ZNF804B: variants seen among roughly 807,000 people sequenced by gnomAD.
The protein encoded by ZNF804B is zinc finger 804B.
Under a neutral mutation model 101.4 loss-of-function variants are expected in ZNF804B, and 80 were observed. The observed-to-expected ratio is 0.79, with a 90% CI of 0.66 to 0.95. The LOEUF is 0.95. ZNF804B is among the 40% of genes least tolerant of loss of function. ZNF804B has a pLI of 0.00. For synonymous variants in ZNF804B, 622 were observed against 558.8 expected (o/e 1.11, Z -1.59); for missense variants, 1,673 against 1,561.9 (o/e 1.07, Z -1.20).
intron 2 of ZNF804B, among the ~76,000 whole-genome samples, chr7:89,263,335 A>C (rs959115204): frequency 6.7e-6 from 1 of 148,224 alleles, no homozygotes; most frequent in African/African-American, 2.5e-5. Context: ...GTTTTATTTT[A>C]AAGTTGTGCT....
At chr7:89,099,021 A>G (rs984884509) in intron 1 of ZNF804B, among the ~76,000 whole-genome samples, 3 of 148,060 alleles carry the variant, frequency 2.0e-5, no homozygotes, top group Admixed American at 6.8e-5. Flanking sequence ...ACGTTTGAAT[A>G]TTTATATTAT....
chr7:88,823,222 A>G (rs1348889736), intron 1 of ZNF804B, among the ~76,000 whole-genome samples: 1 of 152,140 alleles, frequency 6.6e-6, no homozygotes, highest in Non-Finnish European at 1.5e-5. Context: ...AAACAAAACA[A>G]AACAAAAAAC....
chr7:88,846,935 T>TACACACACAC (rs34253376), intron 1 of ZNF804B, among the ~76,000 whole-genome samples: 4 of 149,564 alleles, frequency 2.7e-5, no homozygotes, highest in African/African-American at 7.3e-5. Context: ...TAAATGTGTA[T>TACACACACAC]ACACACACAC....
intron 1 of ZNF804B, among the ~76,000 whole-genome samples, chr7:89,175,062 G>A (rs1472383543): frequency 6.6e-6 from 1 of 151,846 alleles, no homozygotes; most frequent in Non-Finnish European, 1.5e-5. Context: ...TTTGTTGATT[G>A]TTTCCTTTGC....
intron 3 of ZNF804B, 21 bp from the exon 4 acceptor site, chr7:89,333,342 A>T: frequency 6.5e-7 from 1 of 1,531,010 alleles, no homozygotes; most frequent in Non-Finnish European, 8.7e-7. Flanking sequence ...TTAATCATTT[A>T]AATATTTATT....
intron 1 of ZNF804B, among the ~76,000 whole-genome samples, chr7:89,047,051 A>G (rs907186361): frequency 1.3e-5 from 2 of 152,100 alleles, no homozygotes; most frequent in Non-Finnish European, 2.9e-5. Context: ...AGCTGAATTT[A>G]TCCTTTGAGG....
At chr7:89,323,187 G>T (rs1790846114) in intron 2 of ZNF804B, among the ~76,000 whole-genome samples, 1 of 152,204 alleles carries the variant, frequency 6.6e-6, no homozygotes, top group Non-Finnish European at 1.5e-5. Context: ...GGATCTGTCT[G>T]CAGGCAACTT....
At chr7:88,837,775 A>G (rs1238673363) in intron 1 of ZNF804B, among the ~76,000 whole-genome samples, 2 of 151,820 alleles carry the variant, frequency 1.3e-5, no homozygotes, top group Non-Finnish European at 2.9e-5. Context: ...CTTCAAAATA[A>G]CATATTGCAA....
At chr7:89,219,106 G>A (rs889684317) in intron 2 of ZNF804B, among the ~76,000 whole-genome samples, 1 of 149,038 alleles carries the variant, frequency 6.7e-6, no homozygotes, top group Non-Finnish European at 1.5e-5. Flanking sequence ...TATTATTATA[G>A]TCTACATCTT....
chr7:89,173,313 C>T (rs1791267443), intron 1 of ZNF804B, among the ~76,000 whole-genome samples: 1 of 151,566 alleles, frequency 6.6e-6, no homozygotes, highest in Non-Finnish European at 1.5e-5. Flanking sequence ...TTTATATTTA[C>T]CTGAATTTTA....
intron 1 of ZNF804B, among the ~76,000 whole-genome samples, chr7:88,825,363 T>C: frequency 6.6e-6 from 1 of 151,752 alleles, no homozygotes; most frequent in East Asian, 1.9e-4. Context: ...GACTTTAATT[T>C]ACAGAGTCCA....
chr7:89,299,624 C>A (rs144535996), intron 2 of ZNF804B, among the ~76,000 whole-genome samples: 189 of 152,144 alleles, frequency 1.2e-3, no homozygotes, highest in Non-Finnish European at 1.8e-3. Flanking sequence ...GAGTGCTTTT[C>A]AGCAATTTAC....
intron 1 of ZNF804B, among the ~76,000 whole-genome samples, chr7:88,817,429 C>T (rs1790902503): frequency 2.3e-5 from 3 of 133,122 alleles, no homozygotes; most frequent in Middle Eastern, 3.7e-3. Context: ...CTGCTCTCTC[C>T]ATAGGCAGTT....
At chr7:88,765,175 A>G (rs972638062) in intron 1 of ZNF804B, among the ~76,000 whole-genome samples, 8 of 152,094 alleles carry the variant, frequency 5.3e-5, no homozygotes, top group Admixed American at 2.6e-4. Flanking sequence ...ATTACACTAC[A>G]TTTATTTCAT....
At chr7:89,121,658 C>T (rs1283617042) in intron 1 of ZNF804B, among the ~76,000 whole-genome samples, 2 of 152,092 alleles carry the variant, frequency 1.3e-5, no homozygotes, top group African/African-American at 4.8e-5. Context: ...CTTGTTTTAG[C>T]TTCTGCAAAT....
chr7:88,849,486 A>G (rs926784654), intron 1 of ZNF804B, among the ~76,000 whole-genome samples: 1 of 151,578 alleles, frequency 6.6e-6, no homozygotes, highest in African/African-American at 2.4e-5. Context: ...AAGCTACTGT[A>G]TTAAAAGGTA....
At chr7:88,772,954 G>T (rs1447607460) in intron 1 of ZNF804B, among the ~76,000 whole-genome samples, 1 of 152,170 alleles carries the variant, frequency 6.6e-6, no homozygotes, top group Non-Finnish European at 1.5e-5. Context: ...GGGCAGGAAA[G>T]GTGCTTTTGG....
chr7:88,928,218 A>G (rs1355146087), intron 1 of ZNF804B, among the ~76,000 whole-genome samples: 1 of 152,080 alleles, frequency 6.6e-6, no homozygotes. Flanking sequence ...ATTTCTCTTT[A>G]GAGCAGGACC....
chr7:89,009,668 T>A (rs1788423757), intron 1 of ZNF804B, among the ~76,000 whole-genome samples: 1 of 152,014 alleles, frequency 6.6e-6, no homozygotes, highest in South Asian at 2.1e-4. Context: ...CTCAAAGAGA[T>A]CCCTAATCTC....
Sources: allele counts gnomAD v4.1 joint callset (sites outside exome capture counted in the v4.1 genomes callset), GRCh38; gene constraint gnomAD v4.1.1; transcripts MANE v1.5; gene names NCBI Gene and HGNC (gene_info 2026-07-23, HGNC 2026-07-21).